SPATS2: variants seen among roughly 807,000 people sequenced by gnomAD.
SPATS2 encodes the protein spermatogenesis associated serine rich 2.
In SPATS2, 38 loss-of-function variants were observed where a neutral mutation model predicts 63.7. The observed-to-expected ratio is 0.60, with a 90% CI of 0.46 to 0.78. The LOEUF is 0.78. Among genes scored for constraint, SPATS2 ranks in the 30% least tolerant of loss-of-function variants. SPATS2 has a pLI of 0.00. For synonymous variants in SPATS2, 207 were observed against 232.9 expected (o/e 0.89, Z 1.01); for missense variants, 588 against 666.2 (o/e 0.88, Z 1.29).
At chr12:49,487,723 G>A (rs1946318755) in intron 4 of SPATS2, among the ~76,000 whole-genome samples, 1 of 152,066 alleles carries the variant, frequency 6.6e-6, no homozygotes, top group African/African-American at 2.4e-5. Flanking sequence ...TCACCCTCCT[G>A]AGTAGCTGGG....
chr12:49,518,459 T>C (rs1177010133), intron 10 of SPATS2, among the ~76,000 whole-genome samples: 1 of 152,170 alleles, frequency 6.6e-6, no homozygotes, highest in Non-Finnish European at 1.5e-5. Context: ...TAAATAATTG[T>C]GGTATATCCA....
chr12:49,489,540 T>C lies in SPATS2; in HGVS notation c.181T>C (p.Cys61Arg). Residue 61 changes from cysteine to arginine, a missense_variant, in exon 5 of 14, where the codon TGT becomes CGT. Transcript: ENST00000552918. The part of the protein sequence containing the change: ...IILVLQHFDN[C>R]VDKTVQAFME... ...CCTGGTTTTGCAGCACTTTGATAAC[T>C]GTGTGGACAAAACAGTACAAGCATT... 2 of 1,613,854 alleles carry C rather than the reference T, an allele frequency of 1.2e-6. No individual in the cohort carries two copies. Among genetic ancestry groups the C allele is most frequent in the Non-Finnish European group, 1.7e-6 (2 of 1,179,842 alleles).
chr12:49,483,281 T>A (rs1028189549), intron 3 of SPATS2, among the ~76,000 whole-genome samples: 2 of 151,828 alleles, frequency 1.3e-5, no homozygotes, highest in East Asian at 3.8e-4. Flanking sequence ...TCATTCCCAC[T>A]GCTCATTAAT....
At chr12:49,382,213 C>T (rs899773200) in intron 2 of SPATS2, among the ~76,000 whole-genome samples, 4 of 152,294 alleles carry the variant, frequency 2.6e-5, no homozygotes, top group Admixed American at 6.5e-5. Context: ...CTGCTTTTAG[C>T]CATTAAAATC....
Position 49,373,616 on chromosome 12 carries a change from CCT to C in SPATS2, c.-244+2327_-244+2328del, listed in dbSNP as rs531025875. ...AGACCAGCTTGGGCAACAGCGAGACCCTGTCTCTGCAAACAATTAAAAAATTA... is the reference window on the plus strand; with the variant it reads ...AGACCAGCTTGGGCAACAGCGAGACCGTCTCTGCAAACAATTAAAAAATTA... On this transcript the variant is annotated intron_variant, in intron 2 of 13. Transcript: ENST00000552918. 1.3e-4 allele frequency among the ~76,000 whole-genome samples: 20 copies of C among 151,866 alleles called. No individual in the cohort carries two copies. In the South Asian group the frequency reaches 4.2e-3, roughly 32 times the overall value.
chr12:49,440,368 GC>G (rs1310137919), intron 2 of SPATS2, among the ~76,000 whole-genome samples: 1 of 151,850 alleles, frequency 6.6e-6, no homozygotes, highest in Admixed American at 6.6e-5. Context: ...CTTTTCTCCC[GC>G]TCTTAAGATC....
chr12:49,424,769 C>G (rs1054805187), intron 2 of SPATS2, among the ~76,000 whole-genome samples: 2 of 152,114 alleles, frequency 1.3e-5, no homozygotes, highest in African/African-American at 4.8e-5. Flanking sequence ...CTCCGCCCCC[C>G]ACCAGATTCA....
chr12:49,482,456 C>G (rs1259667502), intron 3 of SPATS2, among the ~76,000 whole-genome samples: 1 of 152,142 alleles, frequency 6.6e-6, no homozygotes, highest in East Asian at 1.9e-4. Context: ...TAAAAGGGCC[C>G]TTTCTGTCTT....
At chr12:49,488,850 A>G (rs949447708) in intron 4 of SPATS2, among the ~76,000 whole-genome samples, 2 of 152,210 alleles carry the variant, frequency 1.3e-5, no homozygotes, top group African/African-American at 4.8e-5. Flanking sequence ...TGGAAATAAT[A>G]CCAAGTTCAG....
At chr12:49,404,983 ATT>A (rs59746061) in intron 2 of SPATS2, among the ~76,000 whole-genome samples, 4 of 145,814 alleles carry the variant, frequency 2.7e-5, no homozygotes, top group Admixed American at 6.9e-5. Flanking sequence ...AACCATGCTC[ATT>A]TTTTTTTTTT....
rs560670697 is a variant in SPATS2 at position 49,488,708 on chromosome 12, T to C, written c.106-757T>C. On this transcript the variant is annotated intron_variant, in intron 4 of 13. Transcript: ENST00000552918. ...TCAACATAGAAAAAATCTAAAACAA[T>C]AATGCTATGTGAAAAAAACAAATTG... Among the ~76,000 whole-genome samples the C allele has an allele frequency of 5.9e-4, 89 of 152,014 alleles. 1 individual carries two copies. The highest frequency in any genetic ancestry group is 2.0e-3 in the African/African-American group (85 of 41,472).
At chr12:49,410,086 T>C (rs761367649) in intron 2 of SPATS2, among the ~76,000 whole-genome samples, 1 of 151,802 alleles carries the variant, frequency 6.6e-6, no homozygotes. Context: ...TTTGTTGTTG[T>C]TGTTTTTGAG....
At chr12:49,374,896 G>T (rs1037456537) in intron 2 of SPATS2, among the ~76,000 whole-genome samples, 3 of 146,650 alleles carry the variant, frequency 2.0e-5, no homozygotes, top group African/African-American at 7.8e-5. Context: ...GGCAGGCGGA[G>T]GTTGCAGTGG....
intron 2 of SPATS2, among the ~76,000 whole-genome samples, chr12:49,414,421 T>G (rs187101349): frequency 1.3e-5 from 2 of 152,224 alleles, no homozygotes; most frequent in East Asian, 3.9e-4. Context: ...CTAAGACTTG[T>G]TTTTATATTT....
At chr12:49,412,781 A>G (rs921846023) in intron 2 of SPATS2, among the ~76,000 whole-genome samples, 10 of 152,006 alleles carry the variant, frequency 6.6e-5, no homozygotes, top group Admixed American at 5.9e-4. Context: ...TAGTGTTTGA[A>G]GTTAGATAAT....
intron 3 of SPATS2, among the ~76,000 whole-genome samples, chr12:49,475,507 C>G (rs919193359): frequency 3.3e-5 from 5 of 152,084 alleles, no homozygotes; most frequent in African/African-American, 1.2e-4. Context: ...GTGGCGTGGT[C>G]TCGGCTCACT....
At position 49,435,240 on chromosome 12, in the gene SPATS2, C is replaced by G. The variant is rs1327321951; in HGVS notation, c.-243-25530C>G. ...AGAGGCGGGGTTTCACTGTTTTAGC[C>G]AGGATGGTCTCGATCTCCTGACCTC... On this transcript the variant is annotated intron_variant, in intron 2 of 13. Coordinates refer to ENST00000552918, the MANE Select transcript of SPATS2 (RefSeq NM_023071.4). Among the ~76,000 whole-genome samples the G allele has an allele frequency of 3.3e-5, 5 of 151,946 alleles. No homozygotes were observed. The East Asian group carries it at 9.7e-4, about 29-fold the overall frequency.
At chr12:49,477,309 G>A (rs368920994) in intron 3 of SPATS2, among the ~76,000 whole-genome samples, 2 of 152,224 alleles carry the variant, frequency 1.3e-5, no homozygotes. Flanking sequence ...CTTGATTTAA[G>A]TGCTTTGTCT....
chr12:49,524,988 T>C, intron 13 of SPATS2, 92 bp downstream of exon 13: 2 of 1,247,262 alleles, frequency 1.6e-6, no homozygotes. Context: ...TATCTTCCTC[T>C]CTATTCCCAT....
Sources: gnomAD v4.1 joint callset for allele counts (sites outside exome capture counted in the v4.1 genomes callset) on GRCh38, gnomAD v4.1.1 for gene constraint, MANE v1.5 for transcripts, NCBI Gene and HGNC (gene_info 2026-07-23, HGNC 2026-07-21) for gene names.